The following GAREM1 variants were observed in gnomAD, a reference collection of about 807,000 sequenced individuals.
GAREM1 encodes the protein GRB2 associated regulator of MAPK1 subtype 1.
Under a neutral mutation model 71.3 loss-of-function variants are expected in GAREM1, and 26 were observed. The observed-to-expected ratio is 0.36, with a 90% CI of 0.27 to 0.51. The LOEUF is 0.51. Ranked by LOEUF, GAREM1 falls within the 20% of genes least tolerant of loss-of-function variation. The probability of loss-of-function intolerance (pLI) is 0.95; values close to 1 mark genes in which losing one functional copy is unlikely to be tolerated. For missense variants in GAREM1, 1,026 were observed against 1,103.1 expected (o/e 0.93, Z 0.99); for synonymous variants, 440 against 433.2 (o/e 1.02, Z -0.20).
chr18:32,334,990 C>T (rs1397239612), intron 2 of GAREM1, among the ~76,000 whole-genome samples: 2 of 152,160 alleles, frequency 1.3e-5, no homozygotes, highest in African/African-American at 4.8e-5. Flanking sequence ...CCGCTCTTTC[C>T]GCCCACTCCT....
chr18:32,282,338 A>G (rs564800177), intron 4 of GAREM1, among the ~76,000 whole-genome samples: 3 of 152,326 alleles, frequency 2.0e-5, no homozygotes, highest in Admixed American at 2.0e-4. Context: ...AGGCAGGGGA[A>G]TCGCTTGAAC....
chr18:32,469,260 T>TA (rs1856743769), intron 1 of GAREM1, among the ~76,000 whole-genome samples: 1 of 152,170 alleles, frequency 6.6e-6, no homozygotes, highest in African/African-American at 2.4e-5. Context: ...GGAGTAACCC[T>TA]AGTGCCTGTG....
In GAREM1 at chr18:32,364,028, G is replaced by GTTTTTTT. The variant is rs1157200391; in HGVS notation, c.262+28860_262+28866dup. On this transcript the variant is annotated intron_variant, in intron 2 of 5. Transcript: ENST00000269209. ...TATATATATATATATATATATATAT[G>GTTTTTTT]TTTTTTTTTTTTTTTTTTTTTTGTG... is the stretch of plus-strand genomic sequence containing the variant. Among the ~76,000 whole-genome samples the GTTTTTTT allele has an allele frequency of 1.4e-4, 3 of 21,672 alleles. 1 individual carries two copies. The highest frequency in any genetic ancestry group is 8.0e-4 in the Admixed American group (1 of 1,250). 14.2% of individuals were successfully genotyped at this position (21,672 alleles called of 152,430 possible).
chr18:32,381,429 A>T (rs2048097084), intron 2 of GAREM1, among the ~76,000 whole-genome samples: 3 of 152,224 alleles, frequency 2.0e-5, no homozygotes, highest in African/African-American at 7.2e-5. Context: ...GGTTAATTTT[A>T]AAAAATGTTT....
chr18:32,306,441 C>T (rs2047256724), intron 3 of GAREM1, among the ~76,000 whole-genome samples: 2 of 150,686 alleles, frequency 1.3e-5, no homozygotes, highest in South Asian at 4.2e-4. Flanking sequence ...CTGTCCTGTG[C>T]ATCACAGAAT....
At chr18:32,296,419 A>T (rs1183814956) in intron 3 of GAREM1, among the ~76,000 whole-genome samples, 2 of 152,160 alleles carry the variant, frequency 1.3e-5, no homozygotes, top group African/African-American at 4.8e-5. Context: ...CTATTACATA[A>T]AGTACAAGTT....
At chr18:32,419,869 C>G (rs529785779) in intron 1 of GAREM1, among the ~76,000 whole-genome samples, 4 of 152,204 alleles carry the variant, frequency 2.6e-5, no homozygotes, top group Middle Eastern at 3.4e-3. Context: ...TTATACAGTA[C>G]CTTTCAAAAA....
Position 32,364,875 on chromosome 18 carries a change from G to GACAC in GAREM1, c.262+28016_262+28019dup, listed in dbSNP as rs35309414. Among the ~76,000 whole-genome samples, 427 of 144,576 alleles carry GACAC rather than the reference G, an allele frequency of 3.0e-3. 1 individual carries two copies. The highest frequency in any genetic ancestry group is 7.6e-3 in the Middle Eastern group (2 of 262). The allele number at this position is 144,576 out of a possible 152,430, so 94.8% of individuals were successfully genotyped here. ...TGTGCGAGGCACATATAAGAGCACAGACACACACACACACACACACACACA... is the reference window on the plus strand; with the variant it reads ...TGTGCGAGGCACATATAAGAGCACAGACACACACACACACACACACACACACACA... On this transcript the variant is annotated intron_variant, in intron 2 of 5. Coordinates refer to ENST00000269209, the MANE Select transcript of GAREM1 (RefSeq NM_001242409.2).
At position 32,270,188 on chromosome 18, in the gene GAREM1, G is replaced by A. The variant is rs556783151; in HGVS notation, c.1733+29C>T. The A allele has an allele frequency of 2.1e-5, 34 of 1,609,466 alleles. 1 individual carries two copies. The highest frequency in any genetic ancestry group is 3.3e-4 in the Middle Eastern group (2 of 6,050). On this transcript the variant is annotated intron_variant, in intron 5 of 5. Transcript: ENST00000269209. The stretch of plus-strand genomic sequence containing the variant: ...TGAACTGGTGGATGAGAAGATAAGC[G>A]TGCAGTGGGACCTGGCAGGAAGACT...
chr18:32,361,426 G>A (rs2047864187), intron 2 of GAREM1, among the ~76,000 whole-genome samples: 1 of 152,112 alleles, frequency 6.6e-6, no homozygotes, highest in Non-Finnish European at 1.5e-5. Flanking sequence ...AATATTTTTG[G>A]ATATTTGTTT....
At chr18:32,270,186 G>A (rs1223331009) in intron 5 of GAREM1, 31 bp downstream of exon 5, 2 of 1,608,382 alleles carry the variant, frequency 1.2e-6, no homozygotes, top group South Asian at 1.1e-5. Context: ...GAGAAGATAA[G>A]CGTGCAGTGG....
At chr18:32,451,505 C>G (rs1289936999) in intron 1 of GAREM1, among the ~76,000 whole-genome samples, 1 of 152,186 alleles carries the variant, frequency 6.6e-6, no homozygotes, top group African/African-American at 2.4e-5. Flanking sequence ...AACCTCAGGA[C>G]TACTTAATGC....
At chr18:32,446,673 G>A (rs1450963597) in intron 1 of GAREM1, among the ~76,000 whole-genome samples, 1 of 152,168 alleles carries the variant, frequency 6.6e-6, no homozygotes, top group African/African-American at 2.4e-5. Context: ...GACAAATGTA[G>A]TACCAATATT....
In GAREM1 at chr18:32,343,311, G is replaced by GTTTTTTTTTT. The variant is rs35086441; in HGVS notation, c.263-32998_263-32989dup. Among the ~76,000 whole-genome samples the GTTTTTTTTTT allele has an allele frequency of 2.9e-3, 342 of 118,846 alleles. 5 individuals carry two copies. The highest frequency in any genetic ancestry group is 0.01 in the African/African-American group (307 of 29,818). The allele number at this position is 118,846 out of a possible 152,430, so 78.0% of individuals were successfully genotyped here. A position where few individuals can be genotyped will look rare whatever the true frequency, so the allele number is the denominator to read the frequency against. On this transcript the variant is annotated intron_variant, in intron 2 of 5. Coordinates refer to ENST00000269209, the MANE Select transcript of GAREM1 (RefSeq NM_001242409.2). ...AGCTAAAAGAGTACTCTCCCCCACT[G>GTTTTTTTTTT]TTTTTTTTTTTTTTTTTTTTTGAGA... is the stretch of plus-strand genomic sequence containing the variant.
chr18:32,310,086 T>C (rs1239483292), intron 3 of GAREM1, 107 bp downstream of exon 3: 1 of 1,303,458 alleles, frequency 7.7e-7, no homozygotes, highest in Non-Finnish European at 1.1e-6. Flanking sequence ...TATTAGAAGA[T>C]AAAACCCTCC....
At chr18:32,364,027 T>TATATATATATATATG (rs1567980849) in intron 2 of GAREM1, among the ~76,000 whole-genome samples, 1 of 66,572 alleles carries the variant, frequency 1.5e-5, no homozygotes, top group Non-Finnish European at 2.6e-5. Context: ...TATATATATA[T>TATATATATATATATG]GTTTTTTTTT....
At chr18:32,279,427 T>G (rs893018784) in intron 4 of GAREM1, among the ~76,000 whole-genome samples, 2 of 152,180 alleles carry the variant, frequency 1.3e-5, no homozygotes, top group African/African-American at 4.8e-5. Context: ...CATAGGAGCA[T>G]GAACCCTATT....
intron 3 of GAREM1, 125 bp downstream of exon 3, chr18:32,310,068 C>T: frequency 9.9e-7 from 1 of 1,006,074 alleles, no homozygotes; most frequent in Non-Finnish European, 1.5e-6. Flanking sequence ...TTGGCTACTG[C>T]CACTAACTAT....
At chr18:32,342,713 C>T (rs1369671788) in intron 2 of GAREM1, among the ~76,000 whole-genome samples, 1 of 152,162 alleles carries the variant, frequency 6.6e-6, no homozygotes, top group Non-Finnish European at 1.5e-5. Context: ...CTTATACATA[C>T]AAATTGAAAG....
Sources: gnomAD v4.1 joint callset for allele counts (sites outside exome capture counted in the v4.1 genomes callset) on GRCh38, gnomAD v4.1.1 for gene constraint, MANE v1.5 for transcripts, NCBI Gene and HGNC (gene_info 2026-07-23, HGNC 2026-07-21) for gene names.